TOGARAM1: variants seen among roughly 807,000 people sequenced by gnomAD.
TOGARAM1 encodes the protein TOG array regulator of axonemal microtubules 1.
A neutral mutation model predicts 166.6 loss-of-function variants in TOGARAM1; 100 were observed. The ratio of observed to expected loss-of-function variants is 0.60; its 90% CI spans 0.51 to 0.71. The LOEUF is 0.71. Ranked by LOEUF, TOGARAM1 falls within the 30% of genes least tolerant of loss-of-function variation. The pLI is 0.00. For synonymous variants in TOGARAM1, 758 were observed against 763.8 expected (o/e 0.99, Z 0.13); for missense variants, 2,029 against 2,102.7 (o/e 0.96, Z 0.69).
intron 1 of TOGARAM1, among the ~76,000 whole-genome samples, chr14:44,968,245 A>G (rs537106771): frequency 1.3e-5 from 2 of 152,264 alleles, no homozygotes; most frequent in East Asian, 3.9e-4. Flanking sequence ...CATATTTTAA[A>G]TTATTAGACT....
intron 2 of TOGARAM1, chr14:44,996,143 A>G (rs1249742498): frequency 1.2e-5 from 3 of 250,898 alleles, no homozygotes; most frequent in African/African-American, 6.7e-5. Context: ...CATCACCCAT[A>G]TTTATTAAGG....
chr14:44,995,810 A>G lies in TOGARAM1; in HGVS notation c.2111A>G (p.Asp704Gly), dbSNP rs772903315. 36 of 1,606,698 alleles carry G rather than the reference A, an allele frequency of 2.2e-5. No homozygotes were observed. The East Asian group carries it at 7.2e-4, about 32-fold the overall frequency. ...CTTTCTCAAGGAATGCCAGTCAATG[A>G]TGATTTATGTTTTAGCAGAAAAAGA... The part of the protein sequence containing the change: ...LKLSQGMPVN[D>G]DLCFSRKRVS... The change falls in exon 2 of 20, where the codon GAT (aspartate) becomes GGT (glycine). Residue 704 changes from aspartate (D) to glycine (G), a missense_variant. Physicochemically the swap from Asp to Gly is moderately conservative, Grantham distance 94 (BLOSUM62 -1). Transcript: ENST00000361462.
In TOGARAM1 at chr14:45,071,935, C is replaced by T; in HGVS notation, c.5056+137C>T. The T allele has an allele frequency of 9.8e-6, 6 of 609,822 alleles. No individual in the cohort carries two copies. In the East Asian group the frequency reaches 1.5e-4, roughly 15 times the overall value. 37.8% of individuals were successfully genotyped at this position (609,822 alleles called of 1,614,324 possible). On this transcript the variant is annotated intron_variant, in intron 19 of 19. Coordinates refer to ENST00000361462, the MANE Select transcript of TOGARAM1 (RefSeq NM_001308120.2). ...TAGAAATAAATTGTGTAATGATCCACAAGAGAACCTTTTAAGACTTTTACC... is the reference window on the plus strand; with the variant it reads ...TAGAAATAAATTGTGTAATGATCCATAAGAGAACCTTTTAAGACTTTTACC...
chr14:44,965,798 C>A (rs1885495882), intron 1 of TOGARAM1, among the ~76,000 whole-genome samples: 1 of 152,088 alleles, frequency 6.6e-6, no homozygotes, highest in Admixed American at 6.5e-5. Flanking sequence ...CAACTTTTCA[C>A]CCACTGTGTT....
At chr14:45,021,915 A>G (rs1323186289) in intron 7 of TOGARAM1, among the ~76,000 whole-genome samples, 1 of 152,066 alleles carries the variant, frequency 6.6e-6, no homozygotes, top group Non-Finnish European at 1.5e-5. Flanking sequence ...ATTGGTTAGG[A>G]AGGGCCGTCC....
rs1239776657 is a variant in TOGARAM1 at position 44,962,533 on chromosome 14, G to T, written c.112G>T (p.Val38Phe). The T allele has an allele frequency of 1.9e-6, 3 of 1,613,722 alleles. No individual in the cohort carries two copies. In the African/African-American group the frequency reaches 4.0e-5, roughly 22 times the overall value. ...PSAPETDDSR[V>F]GGIMRGEKNY... ...CGCCCCAGAGACCGATGATAGTCGA[G>T]TTGGGGGCATTATGAGAGGAGAGAA... The change falls in exon 1 of 20, where the codon GTT becomes TTT. Residue 38 changes from valine (V) to phenylalanine (F), a missense_variant. By Grantham distance (50) the Val-to-Phe change is conservative. Around this residue, in one of 2 missense-constraint regions of TOGARAM1, gnomAD observed 1,453 missense variants for 1,432.2 expected, o/e 1.01. Coordinates refer to ENST00000361462, the MANE Select transcript of TOGARAM1 (RefSeq NM_001308120.2).
At chr14:45,052,372 A>G in intron 14 of TOGARAM1, 64 bp from the exon 15 acceptor site, 1 of 1,432,214 alleles carries the variant, frequency 7.0e-7, no homozygotes, top group South Asian at 1.3e-5. Flanking sequence ...CAATGCATCT[A>G]AGGTCAGCAA....
intron 16 of TOGARAM1, among the ~76,000 whole-genome samples, chr14:45,060,554 A>C (rs368627138): frequency 2.0e-5 from 3 of 152,138 alleles, no homozygotes; most frequent in African/African-American, 7.2e-5. Flanking sequence ...GACCTACTAA[A>C]TAAGAATTGG....
At chr14:44,976,451 A>G (rs1304709199) in intron 1 of TOGARAM1, among the ~76,000 whole-genome samples, 4 of 152,190 alleles carry the variant, frequency 2.6e-5, no homozygotes, top group African/African-American at 9.7e-5. Flanking sequence ...GTGAATTGAA[A>G]TTTATTCTTC....
At chr14:44,967,824 C>T (rs1885640893) in intron 1 of TOGARAM1, among the ~76,000 whole-genome samples, 1 of 152,150 alleles carries the variant, frequency 6.6e-6, no homozygotes. Flanking sequence ...TGGTTCCTTT[C>T]AATCCCAAAA....
chr14:45,017,391 G>A (rs1488405545), intron 7 of TOGARAM1, among the ~76,000 whole-genome samples: 1 of 147,064 alleles, frequency 6.8e-6, no homozygotes, highest in East Asian at 2.0e-4. Context: ...AAATGCACCA[G>A]ATACATGCAC....
At chr14:45,067,786 G>T (rs999688151) in intron 17 of TOGARAM1, among the ~76,000 whole-genome samples, 4 of 152,042 alleles carry the variant, frequency 2.6e-5, no homozygotes, top group Non-Finnish European at 5.9e-5. Flanking sequence ...AATTATTAGT[G>T]AATAGTCTCA....
intron 11 of TOGARAM1, among the ~76,000 whole-genome samples, chr14:45,037,891 G>T (rs1881516842): frequency 6.6e-6 from 1 of 151,596 alleles, no homozygotes; most frequent in Non-Finnish European, 1.5e-5. Context: ...AGCCGGGCAT[G>T]CCTGTAGTCC....
At chr14:45,027,078 T>C (rs1880893867) in intron 8 of TOGARAM1, among the ~76,000 whole-genome samples, 2 of 152,216 alleles carry the variant, frequency 1.3e-5, no homozygotes, top group South Asian at 2.1e-4. Flanking sequence ...TTACCACTTA[T>C]AATATGCAGC....
chr14:45,003,775 A>G (rs1887799437), intron 3 of TOGARAM1, among the ~76,000 whole-genome samples: 1 of 152,200 alleles, frequency 6.6e-6, no homozygotes, highest in Non-Finnish European at 1.5e-5. Context: ...ACATGTGTGT[A>G]TATGTATACA....
chr14:44,992,237 A>G (rs1265501939), intron 1 of TOGARAM1, among the ~76,000 whole-genome samples: 3 of 152,060 alleles, frequency 2.0e-5, no homozygotes, highest in Non-Finnish European at 1.5e-5. Flanking sequence ...TATTTTTTCT[A>G]AAGTGTACAT....
At chr14:45,065,840 A>C (rs1594707767) in intron 16 of TOGARAM1, among the ~76,000 whole-genome samples, 1 of 152,218 alleles carries the variant, frequency 6.6e-6, no homozygotes, top group Non-Finnish European at 1.5e-5. Context: ...AAGAGGTTCA[A>C]GGTAATTTAT....
chr14:45,006,335 G>A (rs761111679), intron 5 of TOGARAM1, 68 bp downstream of exon 5: 15 of 1,175,632 alleles, frequency 1.3e-5, no homozygotes, highest in South Asian at 5.4e-5. Context: ...TGCTATTTAA[G>A]GAAAAATCAA....
chr14:44,965,330 G>A (rs925401130), intron 1 of TOGARAM1, among the ~76,000 whole-genome samples: 2 of 152,092 alleles, frequency 1.3e-5, no homozygotes, highest in Admixed American at 1.3e-4. Context: ...CTCCAAAAGT[G>A]TTTTATATTT....
Sources: allele counts gnomAD v4.1 joint callset (sites outside exome capture counted in the v4.1 genomes callset), GRCh38; gene constraint gnomAD v4.1.1; regional missense constraint gnomAD v4.1.1; transcripts MANE v1.5; gene names NCBI Gene and HGNC (gene_info 2026-07-23, HGNC 2026-07-21).